The following MMP16 variants were observed in gnomAD, a reference collection of about 807,000 sequenced individuals.
MMP16 encodes matrix metalloproteinase-16.
A neutral mutation model predicts 67.8 loss-of-function variants in MMP16; 12 were observed. The ratio of observed to expected loss-of-function variants is 0.18; its 90% CI spans 0.11 to 0.29. The LOEUF (loss-of-function observed/expected upper bound fraction) is 0.29. Among genes scored for constraint, MMP16 ranks in the 10% least tolerant of loss-of-function variants. The probability of loss-of-function intolerance (pLI) is 1.00; values close to 1 mark genes in which losing one functional copy is unlikely to be tolerated. For missense variants in MMP16, 475 were observed against 765.7 expected (o/e 0.62, Z 4.48); for synonymous variants, 249 against 255.9 (o/e 0.97, Z 0.26).
intron 1 of MMP16, among the ~76,000 whole-genome samples, chr8:88,272,299 A>G (rs1473481442): frequency 6.6e-6 from 1 of 152,200 alleles, no homozygotes; most frequent in East Asian, 1.9e-4. Flanking sequence ...CCAATAATCT[A>G]TACTTTGAAC....
At chr8:88,205,689 C>T (rs1488185517) in intron 1 of MMP16, among the ~76,000 whole-genome samples, 1 of 152,124 alleles carries the variant, frequency 6.6e-6, no homozygotes, top group African/African-American at 2.4e-5. Context: ...TTTAACAGCA[C>T]TTTCTTACTA....
intron 3 of MMP16, among the ~76,000 whole-genome samples, chr8:88,173,746 T>C (rs774044243): frequency 2.0e-5 from 3 of 152,212 alleles, no homozygotes; most frequent in Non-Finnish European, 2.9e-5. Context: ...TAATGGAGCT[T>C]CACAACTTTT....
chr8:88,215,053 G>C (rs937653392), intron 1 of MMP16, among the ~76,000 whole-genome samples: 1 of 152,166 alleles, frequency 6.6e-6, no homozygotes, highest in Admixed American at 6.5e-5. Context: ...ACTGAGGCTG[G>C]GCGCTGTGGC....
In MMP16 at chr8:88,038,749, T is replaced by G. The variant is rs1808090061; in HGVS notation, c.*2712A>C. 6.6e-6 allele frequency: 1 copy of G among 152,612 alleles called. No individual in the cohort carries two copies. Among genetic ancestry groups the G allele is most frequent in the Non-Finnish European group, 1.5e-5 (1 of 68,026 alleles). 9.5% of individuals were successfully genotyped at this position (152,612 alleles called of 1,614,324 possible). On this transcript the variant is annotated 3_prime_UTR_variant, in exon 10 of 10. Transcript: ENST00000286614. The surrounding 1 kb of genome is among the most constrained non-coding windows in gnomAD (Gnocchi z 4.1). The stretch of plus-strand genomic sequence containing the variant: ...AGCAGCAGTGACTAACTCTTTATAA[T>G]ATCAGCATCATCTAGAATGGAAGCA...
chr8:88,173,478 T>C (rs1206328638), intron 3 of MMP16, among the ~76,000 whole-genome samples: 1 of 152,176 alleles, frequency 6.6e-6, no homozygotes, highest in Non-Finnish European at 1.5e-5. Flanking sequence ...AATATTTTTA[T>C]ATAAACAGGG....
chr8:88,085,799 C>T (rs1485018915), intron 6 of MMP16, among the ~76,000 whole-genome samples: 1 of 151,914 alleles, frequency 6.6e-6, no homozygotes, highest in East Asian at 1.9e-4. Context: ...ACTACTTGTG[C>T]TAAGTTTATG....
intron 1 of MMP16, among the ~76,000 whole-genome samples, chr8:88,249,499 C>A (rs1484665774): frequency 1.3e-5 from 2 of 152,094 alleles, no homozygotes; most frequent in Non-Finnish European, 2.9e-5. Context: ...GATGCATCTC[C>A]TATTCTTTAC....
chr8:88,107,138 T>C (rs966952092), intron 6 of MMP16, among the ~76,000 whole-genome samples: 1 of 151,192 alleles, frequency 6.6e-6, no homozygotes, highest in Non-Finnish European at 1.5e-5. Context: ...TCTAGCAGTC[T>C]CTAAATGTCA....
In MMP16 at chr8:88,036,122, T is replaced by C. The variant is rs146895219; in HGVS notation, c.*5339A>G. 7.9e-5 allele frequency: 12 copies of C among 151,936 alleles called. No homozygotes were observed. The highest frequency in any genetic ancestry group is 1.2e-4 in the African/African-American group (5 of 41,446). The allele number at this position is 151,936 out of a possible 1,614,324, so 9.4% of individuals were successfully genotyped here. A position where few individuals can be genotyped will look rare whatever the true frequency, so the allele number is the denominator to read the frequency against. ...TCTCAGGGGATTCTAACATTATATATCTTTCCAACTTGAGGTTACTGAACA... is the reference window on the plus strand; with the variant it reads ...TCTCAGGGGATTCTAACATTATATACCTTTCCAACTTGAGGTTACTGAACA... On this transcript the variant is annotated 3_prime_UTR_variant, in exon 10 of 10. Coordinates refer to ENST00000286614, the MANE Select transcript of MMP16 (RefSeq NM_005941.5).
chr8:88,231,089 T>C (rs1244234189), intron 1 of MMP16, among the ~76,000 whole-genome samples: 3 of 152,204 alleles, frequency 2.0e-5, no homozygotes, highest in African/African-American at 7.2e-5. Flanking sequence ...AAAGATGAAC[T>C]TCAATAATCA....
chr8:88,307,335 AT>A (rs1208679512), intron 1 of MMP16, among the ~76,000 whole-genome samples: 9 of 152,116 alleles, frequency 5.9e-5, no homozygotes, highest in Non-Finnish European at 1.3e-4. Flanking sequence ...AAATGCTCAT[AT>A]TCCATCAAAT....
intron 1 of MMP16, among the ~76,000 whole-genome samples, chr8:88,237,681 C>A (rs200153423): frequency 0.022 from 3,388 of 151,218 alleles, 62 homozygotes; most frequent in Middle Eastern, 0.048. Flanking sequence ...ACAACAACAA[C>A]AAAAAACAAC....
intron 1 of MMP16, among the ~76,000 whole-genome samples, chr8:88,294,227 TAC>T (rs1180713975): frequency 8.0e-5 from 12 of 149,900 alleles, no homozygotes; most frequent in South Asian, 4.2e-4. Context: ...GATATATATA[TAC>T]ACACACATAT....
chr8:88,111,305 A>C (rs185873863), intron 6 of MMP16, among the ~76,000 whole-genome samples: 52 of 151,868 alleles, frequency 3.4e-4, no homozygotes, highest in Admixed American at 9.2e-4. Flanking sequence ...GTTCCTTTTC[A>C]TATATCTAGA....
chr8:88,264,501 A>G (rs892753146), intron 1 of MMP16, among the ~76,000 whole-genome samples: 4 of 152,176 alleles, frequency 2.6e-5, no homozygotes, highest in Non-Finnish European at 2.9e-5. Context: ...ATGCCCAGCT[A>G]CAAGTCCATA....
Position 88,167,829 on chromosome 8 carries a change from A to G in MMP16, c.549T>C (p.Asp183=). The G allele has an allele frequency of 1.2e-6, 2 of 1,614,040 alleles. No individual in the cohort carries two copies. The highest frequency in any genetic ancestry group is 1.7e-6 in the Non-Finnish European group (2 of 1,179,978). The change falls in exon 4 of 10, where the codon GAT becomes GAC. Residue 183 remains aspartate, a synonymous_variant. Transcript: ENST00000286614. Reference sequence around the variant, plus strand: ...AACCAGATGCAAAAATAATGGTTATATCCACATCACGTTTGCCATTTTCTA... The same window carrying G: ...AACCAGATGCAAAAATAATGGTTATGTCCACATCACGTTTGCCATTTTCTA... ...SELENGKRDV[D]ITIIFASGFH... is the part of the protein sequence containing the mutation.
Position 88,035,499 on chromosome 8 carries a change from T to A in MMP16, c.*5962A>T, listed in dbSNP as rs557568294. 1 of 152,184 alleles carries A rather than the reference T, an allele frequency of 6.6e-6. No homozygotes were observed. Among genetic ancestry groups the A allele is most frequent in the Non-Finnish European group, 1.5e-5 (1 of 67,952 alleles). 9.4% of individuals were successfully genotyped at this position (152,184 alleles called of 1,614,324 possible). A position where few individuals can be genotyped will look rare whatever the true frequency, so the allele number is the denominator to read the frequency against. On this transcript the variant is annotated 3_prime_UTR_variant, in exon 10 of 10. Transcript: ENST00000286614. This position sits in a 1 kb window ranked among gnomAD's most constrained non-coding sequence, Gnocchi z 4.7. ...TCTATAAATAAATGTCTTTCATACA[T>A]AACTTTTTATACTTACTCTGCACTG...
chr8:88,125,129 C>A (rs1390280146), intron 4 of MMP16, among the ~76,000 whole-genome samples: 1 of 150,654 alleles, frequency 6.6e-6, no homozygotes, highest in Admixed American at 6.6e-5. Context: ...TTTGGCTGCT[C>A]AAAGAGCTTT....
chr8:88,104,518 C>T (rs1809202409), intron 6 of MMP16, among the ~76,000 whole-genome samples: 1 of 151,604 alleles, frequency 6.6e-6, no homozygotes, highest in African/African-American at 2.4e-5. Context: ...CAATGCATTA[C>T]TCATGTGTTT....
Sources: gnomAD v4.1 joint callset for allele counts (sites outside exome capture counted in the v4.1 genomes callset) on GRCh38, gnomAD v4.1.1 for gene constraint, Gnocchi (gnomAD v3.1) non-coding constraint, MANE v1.5 for transcripts, NCBI Gene and HGNC (gene_info 2026-07-23, HGNC 2026-07-21) for gene names.